The following SEC14L5 variants were observed in gnomAD, a reference collection of about 807,000 sequenced individuals.
SEC14L5 encodes SEC14-like protein 5.
SEC14L5 carries 96 observed loss-of-function variants against 84.6 expected under a neutral mutation model. That is an observed-to-expected ratio of 1.13 (90% CI 0.96 to 1.34). The LOEUF (loss-of-function observed/expected upper bound fraction) is 1.34, where lower values mean the gene tolerates loss of function less well. SEC14L5 is among the 40% of genes most tolerant of loss of function. The pLI, the probability that SEC14L5 is intolerant of heterozygous loss-of-function variation, is 0.00. For missense variants in SEC14L5, 1,224 were observed against 942.5 expected (o/e 1.30, Z -3.91); for synonymous variants, 546 against 383.4 (o/e 1.42, Z -4.95).
chr16:4,959,452 G>A, intron 2 of SEC14L5, 66 bp downstream of exon 2: 1 of 1,355,334 alleles, frequency 7.4e-7, no homozygotes, highest in Non-Finnish European at 1.1e-6. Context: ...AGCTATGGCG[G>A]TAGGAAGACG....
Position 4,966,567 on chromosome 16 carries a change from C to G in SEC14L5, c.63+7181C>G, listed in dbSNP as rs148595305. Among the ~76,000 whole-genome samples the G allele has an allele frequency of 3.2e-3, 488 of 152,298 alleles. 4 individuals carry two copies. The highest frequency in any genetic ancestry group is 0.011 in the African/African-American group (461 of 41,550). ...GGGATTACAGGCGTGAGCCACCGTG[C>G]CCAGCCCCAGACACTGCTCTGAGTC... On this transcript the variant is annotated intron_variant, in intron 2 of 15. Coordinates refer to ENST00000251170, the MANE Select transcript of SEC14L5 (RefSeq NM_014692.2).
At chr16:4,988,098 T>G in intron 3 of SEC14L5, 51 bp from the exon 4 acceptor site, 1 of 1,604,602 alleles carries the variant, frequency 6.2e-7, no homozygotes, top group South Asian at 1.1e-5. Flanking sequence ...TCCATTCCTG[T>G]GTGCTCCACG....
intron 15 of SEC14L5, among the ~76,000 whole-genome samples, chr16:5,012,792 G>A (rs1161975763): frequency 6.6e-6 from 1 of 152,068 alleles, no homozygotes; most frequent in Non-Finnish European, 1.5e-5. Context: ...CTACTCAGGA[G>A]GCTGAAGCAG....
At position 5,008,403 on chromosome 16, in the gene SEC14L5, T is replaced by A; in HGVS notation, c.1573-18T>A. The A allele has an allele frequency of 6.3e-7, 1 of 1,584,296 alleles. No homozygotes were observed. The highest frequency in any genetic ancestry group is 8.6e-7 in the Non-Finnish European group (1 of 1,158,994). ...CTCTCTCGGCCGTGACTCTCAGACC[T>A]CGCCTGTCTCCACACAGGTGGCCGT... On this transcript the variant is annotated intron_variant, in intron 13 of 15. Transcript: ENST00000251170.
chr16:5,014,241 C>A (rs1319867971), intron 15 of SEC14L5, among the ~76,000 whole-genome samples: 1 of 152,198 alleles, frequency 6.6e-6, no homozygotes. Flanking sequence ...AGGTGTACAG[C>A]ACGTTCATCG....
chr16:5,016,730 CTT>C lies in SEC14L5; in HGVS notation c.*1761_*1762del, dbSNP rs571705282. 2.0e-4 allele frequency: 31 copies of C among 152,316 alleles called. No homozygotes were observed. The highest frequency in any genetic ancestry group is 9.7e-4 in the East Asian group (5 of 5,180). The allele number at this position is 152,316 out of a possible 1,614,324, so 9.4% of individuals were successfully genotyped here. On this transcript the variant is annotated 3_prime_UTR_variant, in exon 16 of 16. Transcript: ENST00000251170. ...GGCTCAGCAATGCAGGGCCAGGAAA[CTT>C]ATATCTACGCCAGCCTCAACCCCAA...
Position 4,996,370 on chromosome 16 carries a change from C to T in SEC14L5, c.690C>T (p.Tyr230=), listed in dbSNP as rs1028782560. 14 of 1,562,078 alleles carry T rather than the reference C, an allele frequency of 9.0e-6. No individual in the cohort carries two copies. Among genetic ancestry groups the T allele is most frequent in the African/African-American group, 6.8e-5 (5 of 73,366 alleles). Residue 230 remains tyrosine (Y), a synonymous_variant, in exon 7 of 16, where the codon TAC becomes TAT. Coordinates refer to ENST00000251170, the MANE Select transcript of SEC14L5 (RefSeq NM_014692.2). ...AAGGGGACAAGCTGGATGCGGACTA[C>T]ATTGAGAGGTGCCTGGGCCACCTCA... ...SMDGDKLDAD[Y]IERCLGHLTP...
chr16:5,014,812 C>A lies in SEC14L5; in HGVS notation c.1980-47C>A, dbSNP rs953420303. On this transcript the variant is annotated intron_variant, in intron 15 of 15. Coordinates refer to ENST00000251170, the MANE Select transcript of SEC14L5 (RefSeq NM_014692.2). ...CCACTGCTGTGTGTCAGCCCAAGGG[C>A]CTTGTCACTGTGAGAGGGTAACGTG... 4.1e-6 allele frequency: 6 copies of A among 1,453,730 alleles called. No individual in the cohort carries two copies. In the African/African-American group the frequency reaches 6.9e-5, roughly 17 times the overall value. The allele number at this position is 1,453,730 out of a possible 1,614,324, so 90.1% of individuals were successfully genotyped here.
intron 4 of SEC14L5, among the ~76,000 whole-genome samples, chr16:4,989,458 C>T (rs143940757): frequency 5.3e-4 from 81 of 152,096 alleles, no homozygotes; most frequent in African/African-American, 1.7e-3. Flanking sequence ...CAGATTCTCA[C>T]GCCTCAGATT....
intron 5 of SEC14L5, among the ~76,000 whole-genome samples, chr16:4,991,159 G>C (rs1264983216): frequency 7.3e-6 from 1 of 137,392 alleles, no homozygotes; most frequent in Non-Finnish European, 1.5e-5. Context: ...TAATTCTGTG[G>C]TGCTTTTTTT....
chr16:4,964,533 G>A (rs187567463), intron 2 of SEC14L5, among the ~76,000 whole-genome samples: 3 of 152,058 alleles, frequency 2.0e-5, no homozygotes, highest in Admixed American at 6.6e-5. Context: ...GCAGGGAGCC[G>A]AGTTCGCTCC....
At chr16:4,960,091 T>C (rs2142465397) in intron 2 of SEC14L5, among the ~76,000 whole-genome samples, 1 of 152,298 alleles carries the variant, frequency 6.6e-6, no homozygotes, top group East Asian at 1.9e-4. Flanking sequence ...GGCTGCCAGA[T>C]CCTTGGCCCC....
At chr16:4,995,273 C>G (rs1175759845) in intron 6 of SEC14L5, among the ~76,000 whole-genome samples, 2 of 152,258 alleles carry the variant, frequency 1.3e-5, no homozygotes, top group African/African-American at 4.8e-5. Flanking sequence ...ACGCCAGCAT[C>G]TGCCACCCTC....
chr16:4,973,680 C>CTTTTTTTTTTTTTTTTTTTTTTTTTTT (rs34324146), intron 2 of SEC14L5, among the ~76,000 whole-genome samples: 1 of 127,110 alleles, frequency 7.9e-6, no homozygotes. Context: ...TTCTCTGTCT[C>CTTTTTTTTTTTTTTTTTTTTTTTTTTT]TTTTTTTTTT....
At chr16:4,990,502 A>T (rs902412879) in intron 4 of SEC14L5, among the ~76,000 whole-genome samples, 1 of 152,252 alleles carries the variant, frequency 6.6e-6, no homozygotes, top group Admixed American at 6.5e-5. Context: ...ATGTATGTGT[A>T]TAATATTGAA....
intron 2 of SEC14L5, among the ~76,000 whole-genome samples, chr16:4,968,479 G>C (rs893158877): frequency 6.6e-6 from 1 of 152,110 alleles, no homozygotes; most frequent in Non-Finnish European, 1.5e-5. Flanking sequence ...GCGCCCGGCC[G>C]CACCTGGCTA....
At position 5,018,122 on chromosome 16, in the gene SEC14L5, A is replaced by G. The variant is rs2142545590; in HGVS notation, c.*3152A>G. 1 of 152,454 alleles carries G rather than the reference A, an allele frequency of 6.6e-6. No individual in the cohort carries two copies. The highest frequency in any genetic ancestry group is 1.5e-5 in the Non-Finnish European group (1 of 68,108). The allele number at this position is 152,454 out of a possible 1,614,324, so 9.4% of individuals were successfully genotyped here. On this transcript the variant is annotated 3_prime_UTR_variant, in exon 16 of 16. Coordinates refer to ENST00000251170, the MANE Select transcript of SEC14L5 (RefSeq NM_014692.2). ...TCCTCATCTGTAAAGTGAGGATAGC[A>G]GTGCCTACCTCAATAGGTTGTAGTG...
At chr16:4,983,504 A>G (rs1955450284) in intron 2 of SEC14L5, among the ~76,000 whole-genome samples, 1 of 149,996 alleles carries the variant, frequency 6.7e-6, no homozygotes, top group African/African-American at 2.4e-5. Flanking sequence ...GTATAGAAAG[A>G]TATATGCACA....
At chr16:4,961,289 A>G (rs975404847) in intron 2 of SEC14L5, among the ~76,000 whole-genome samples, 9 of 140,560 alleles carry the variant, frequency 6.4e-5, no homozygotes, top group African/African-American at 1.8e-4. Flanking sequence ...AACAACAGCA[A>G]CAACAACAAC....
Sources: gnomAD v4.1 joint callset for allele counts (sites outside exome capture counted in the v4.1 genomes callset) on GRCh38, gnomAD v4.1.1 for gene constraint, MANE v1.5 for transcripts, NCBI Gene and HGNC (gene_info 2026-07-23, HGNC 2026-07-21) for gene names.